The following CUX1 variants were observed in gnomAD, a reference collection of about 807,000 sequenced individuals.
CUX1 encodes protein CASP.
Under a neutral mutation model 158.8 loss-of-function variants are expected in CUX1, and 31 were observed. That is an observed-to-expected ratio of 0.20 (90% CI 0.15 to 0.26). CUX1 has a LOEUF of 0.26. CUX1 is among the 10% of genes least tolerant of loss of function. The pLI is 1.00. For synonymous variants in CUX1, 879 were observed against 862.1 expected, an observed-to-expected ratio of 1.02 and a Z score of -0.34; for missense variants, 1,589 against 2,014.6, an observed-to-expected ratio of 0.79 and a Z score of 4.04.
Position 102,013,359 on chromosome 7 carries a change from A to G in CUX1, c.142-14739A>G, listed in dbSNP as rs559859727. On this transcript the variant is annotated intron_variant, in intron 2 of 23. Coordinates refer to ENST00000292535, the MANE Select transcript of CUX1 (RefSeq NM_181552.4). Reference sequence around the variant, plus strand: ...CGACATTTATGGACTTCTATGATTCATCTACCAGGGCCAGCAGCTCCAGCC... The same window carrying G: ...CGACATTTATGGACTTCTATGATTCGTCTACCAGGGCCAGCAGCTCCAGCC... Among the ~76,000 whole-genome samples, 7 of 152,324 alleles carry G rather than the reference A, an allele frequency of 4.6e-5. No individual in the cohort carries two copies. The South Asian group carries it at 1.2e-3, about 27-fold the overall frequency.
intron 1 of CUX1, chr7:101,818,919 G>A (rs1174970413): frequency 1.3e-5 from 2 of 152,318 alleles, no homozygotes; most frequent in East Asian, 1.9e-4. Context: ...CCACCTGGGG[G>A]TAAAGAGGCT....
At chr7:102,202,596 C>T (rs1234772857) in intron 18 of CUX1, among the ~76,000 whole-genome samples, 1 of 152,188 alleles carries the variant, frequency 6.6e-6, no homozygotes, top group South Asian at 2.1e-4. Context: ...CTGAGAGGCA[C>T]CCCTGCAGGC....
intron 2 of CUX1, among the ~76,000 whole-genome samples, chr7:101,945,286 C>G (rs1808235818): frequency 6.6e-6 from 1 of 152,210 alleles, no homozygotes; most frequent in Admixed American, 6.5e-5. Context: ...TTCGACACCT[C>G]CACTGTCATT....
At chr7:102,011,122 A>T (rs6465841) in intron 2 of CUX1, among the ~76,000 whole-genome samples, 51,959 of 147,462 alleles carry the variant, frequency 0.35, 9,538 homozygotes, top group Non-Finnish European at 0.42. Context: ...TCAGAAAAAT[A>T]AAAAAAAAAA....
At chr7:101,863,014 G>A (rs1797617745) in intron 1 of CUX1, among the ~76,000 whole-genome samples, 1 of 151,918 alleles carries the variant, frequency 6.6e-6, no homozygotes. Flanking sequence ...CTTGTCGCTG[G>A]CCTTGTCTTA....
At chr7:102,282,262 T>G (rs1792133673) in intron 21 of CUX1, among the ~76,000 whole-genome samples, 1 of 152,136 alleles carries the variant, frequency 6.6e-6, no homozygotes, top group Non-Finnish European at 1.5e-5. Flanking sequence ...TCACGAAGAC[T>G]GCACAGAGAA....
intron 2 of CUX1, among the ~76,000 whole-genome samples, chr7:101,950,842 A>G (rs1193228740): frequency 1.3e-5 from 2 of 152,116 alleles, no homozygotes; most frequent in Non-Finnish European, 1.5e-5. Flanking sequence ...TGAGCCATGT[A>G]GAATATTTAC....
At chr7:102,000,488 A>G (rs1171976970) in intron 2 of CUX1, among the ~76,000 whole-genome samples, 1 of 152,204 alleles carries the variant, frequency 6.6e-6, no homozygotes, top group Non-Finnish European at 1.5e-5. Context: ...ACAATCTCAT[A>G]CCTGCAGAGC....
chr7:102,267,579 A>G (rs1790903084), intron 14 of CUX1, among the ~76,000 whole-genome samples: 1 of 152,144 alleles, frequency 6.6e-6, no homozygotes, highest in South Asian at 2.1e-4. Context: ...CGCCTTCAGG[A>G]AAACCGTAGG....
At chr7:101,986,926 C>G (rs1027937143) in intron 2 of CUX1, among the ~76,000 whole-genome samples, 17 of 152,122 alleles carry the variant, frequency 1.1e-4, no homozygotes, top group Admixed American at 5.9e-4. Context: ...CAGCTCCTGC[C>G]CTGGAAGCCG....
intron 22 of CUX1, among the ~76,000 whole-genome samples, chr7:102,235,099 G>A (rs1325597667): frequency 4.6e-5 from 7 of 152,182 alleles, no homozygotes; most frequent in Non-Finnish European, 1.0e-4. Flanking sequence ...ATAACCCCAC[G>A]TGCACCCACA....
chr7:102,200,459 C>T (rs1480259407), intron 17 of CUX1, among the ~76,000 whole-genome samples: 1 of 152,136 alleles, frequency 6.6e-6, no homozygotes, highest in African/African-American at 2.4e-5. Context: ...TCTCCTGCCT[C>T]AGTCTCCCGA....
chr7:102,060,592 TA>T (rs1824708747), intron 3 of CUX1, among the ~76,000 whole-genome samples: 1 of 86,954 alleles, frequency 1.2e-5, no homozygotes, highest in Admixed American at 1.4e-4. Context: ...TATATATATA[TA>T]CACACACACA....
At chr7:102,023,133 T>C (rs1479129608) in intron 2 of CUX1, among the ~76,000 whole-genome samples, 1 of 152,070 alleles carries the variant, frequency 6.6e-6, no homozygotes, top group Non-Finnish European at 1.5e-5. Flanking sequence ...GAGAATCGCT[T>C]GAACCTGGGG....
chr7:102,248,681 C>T lies in CUX1; in HGVS notation c.4157C>T (p.Ala1386Val). ...TCGGGGACCCCGGGCCCGGACGACG[C>T]CCGCGACGACGACCACGAGGGAGGC... ...PPSGTPGPDD[A>V]RDDDHEGGPV... The change falls in exon 24 of 24, where the codon GCC becomes GTC. Residue 1386 changes from alanine to valine, a missense_variant. Ala to Val is a moderately conservative substitution (Grantham distance 64, BLOSUM62 0). Around this residue, in one of 8 missense-constraint regions of CUX1, gnomAD observed 344 missense variants for 323.7 expected, o/e 1.06. Coordinates refer to ENST00000292535, the MANE Select transcript of CUX1 (RefSeq NM_181552.4). The surrounding 1 kb of genome is among the most constrained non-coding windows in gnomAD (Gnocchi z 5.8). 7.8e-7 allele frequency: 1 copy of T among 1,290,254 alleles called. No individual in the cohort carries two copies. Among genetic ancestry groups the T allele is most frequent in the Non-Finnish European group, 9.8e-7 (1 of 1,017,500 alleles). The allele number at this position is 1,290,254 out of a possible 1,614,324, so 79.9% of individuals were successfully genotyped here. A position where few individuals can be genotyped will look rare whatever the true frequency, so the allele number is the denominator to read the frequency against.
At chr7:101,855,524 A>G (rs1796679038) in intron 1 of CUX1, among the ~76,000 whole-genome samples, 1 of 152,198 alleles carries the variant, frequency 6.6e-6, no homozygotes, top group Admixed American at 6.5e-5. Flanking sequence ...ATTTTCACGT[A>G]TTTTAGAATT....
intron 17 of CUX1, among the ~76,000 whole-genome samples, chr7:102,277,261 T>A (rs1791673717): frequency 6.6e-6 from 1 of 151,824 alleles, no homozygotes; most frequent in Non-Finnish European, 1.5e-5. Flanking sequence ...CATGCCACTT[T>A]ATTCTAGCCT....
intron 2 of CUX1, chr7:101,961,174 T>C (rs1199494075): frequency 2.0e-5 from 3 of 152,268 alleles, no homozygotes; most frequent in Non-Finnish European, 2.9e-5. Flanking sequence ...CACCTGGATA[T>C]AGATTTGGGA....
At chr7:102,193,278 CT>C (rs1554517467) in intron 12 of CUX1, among the ~76,000 whole-genome samples, 1 of 152,208 alleles carries the variant, frequency 6.6e-6, no homozygotes, top group Non-Finnish European at 1.5e-5. Flanking sequence ...AATGTTATGT[CT>C]GTATTAAACT....
Sources: gnomAD v4.1 joint callset for allele counts (sites outside exome capture counted in the v4.1 genomes callset) on GRCh38, gnomAD v4.1.1 for gene constraint, gnomAD v4.1.1 regional missense constraint, Gnocchi (gnomAD v3.1) non-coding constraint, MANE v1.5 for transcripts, NCBI Gene and HGNC (gene_info 2026-07-23, HGNC 2026-07-21) for gene names.